The following CEP128 variants were observed in gnomAD, a reference collection of about 807,000 sequenced individuals.
CEP128 encodes the protein centrosomal protein 128kDa.
Under a neutral mutation model 156.7 loss-of-function variants are expected in CEP128, and 132 were observed. The observed-to-expected ratio is 0.84, with a 90% CI of 0.73 to 0.97. The LOEUF is 0.97. Among genes scored for constraint, CEP128 ranks in the 50% least tolerant of loss-of-function variants. The pLI is 0.00. For synonymous variants in CEP128, 469 were observed against 448.9 expected (o/e 1.04, Z -0.57); for missense variants, 1,252 against 1,281.9 (o/e 0.98, Z 0.36).
At position 80,593,561 on chromosome 14, in the gene CEP128, A is replaced by G. The variant is rs1290490094; in HGVS notation, c.2807-13138T>C. Among the ~76,000 whole-genome samples, 3 of 151,484 alleles carry G rather than the reference A, an allele frequency of 2.0e-5. No individual in the cohort carries two copies. The East Asian group carries it at 5.8e-4, about 29-fold the overall frequency. On this transcript the variant is annotated intron_variant, in intron 19 of 24. Coordinates refer to ENST00000555265, the MANE Select transcript of CEP128 (RefSeq NM_152446.5). Reference sequence around the variant, plus strand: ...GACTCCATCTCAAAAAAAAAAAAAAAAAAAGAAAACCCCATCTTCTCAGCC... The same window carrying G: ...GACTCCATCTCAAAAAAAAAAAAAAGAAAAGAAAACCCCATCTTCTCAGCC...
chr14:80,544,184 A>T (rs990426438), intron 21 of CEP128, among the ~76,000 whole-genome samples: 2 of 152,216 alleles, frequency 1.3e-5, no homozygotes, highest in Non-Finnish European at 2.9e-5. Context: ...AGGTCAATAG[A>T]GATAAACGTG....
rs149301208 is a variant in CEP128, at chr14:80,718,999, G to A, written c.2806+24076C>T. ...GGAGATGGGCAGGACTTGTTTTCTGGACTTGTTACTCTGTCAGGATTTGGT... is the reference window on the plus strand; with the variant it reads ...GGAGATGGGCAGGACTTGTTTTCTGAACTTGTTACTCTGTCAGGATTTGGT... On this transcript the variant is annotated intron_variant, in intron 19 of 24. Transcript: ENST00000555265. 1.6e-3 allele frequency among the ~76,000 whole-genome samples: 250 copies of A among 152,196 alleles called. 2 individuals are homozygous for A. The highest frequency in any genetic ancestry group is 5.5e-3 in the African/African-American group (228 of 41,524).
chr14:80,540,275 G>A (rs1889693537), intron 21 of CEP128, among the ~76,000 whole-genome samples: 1 of 149,428 alleles, frequency 6.7e-6, no homozygotes, highest in African/African-American at 2.5e-5. Flanking sequence ...ACTGATATGT[G>A]ATGTCACCCC....
upstream of CEP128, among the ~76,000 whole-genome samples, chr14:80,944,849 A>C (rs1229696620): frequency 4.8e-5 from 6 of 123,896 alleles, no homozygotes; most frequent in East Asian, 2.6e-4. Flanking sequence ...AAAAAAAAAA[A>C]AAAAAAAACA....
intron 19 of CEP128, among the ~76,000 whole-genome samples, chr14:80,693,657 A>T (rs1038668614): frequency 2.0e-5 from 3 of 152,220 alleles, no homozygotes; most frequent in African/African-American, 7.2e-5. Context: ...ATACTAAGTT[A>T]TCTAAAAATA....
At chr14:80,534,916 G>C (rs557628617) in intron 21 of CEP128, among the ~76,000 whole-genome samples, 4 of 150,896 alleles carry the variant, frequency 2.7e-5, no homozygotes, top group Non-Finnish European at 5.9e-5. Flanking sequence ...AGTTGTTTTC[G>C]AGAATAAATA....
intron 14 of CEP128, among the ~76,000 whole-genome samples, chr14:80,480,590 T>C (rs1247484187): frequency 1.3e-5 from 2 of 152,110 alleles, no homozygotes. Flanking sequence ...GCCGAGAAGG[T>C]CTCTGACATG....
intron 14 of CEP128, among the ~76,000 whole-genome samples, chr14:80,792,529 T>C (rs1331153858): frequency 1.3e-5 from 2 of 152,216 alleles, no homozygotes; most frequent in African/African-American, 4.8e-5. Flanking sequence ...GGTACATCTA[T>C]TTATGGGCCA....
At chr14:80,507,679 A>G (rs1018244078) in intron 23 of CEP128, among the ~76,000 whole-genome samples, 1 of 152,216 alleles carries the variant, frequency 6.6e-6, no homozygotes, top group African/African-American at 2.4e-5. Flanking sequence ...TAACGCCACA[A>G]CTGAGACAGA....
At chr14:80,667,988 A>T (rs10133617) in intron 19 of CEP128, among the ~76,000 whole-genome samples, 4,912 of 152,256 alleles carry the variant, frequency 0.032, 257 homozygotes, top group African/African-American at 0.11. Flanking sequence ...GATGATGAAA[A>T]CAACAGTGAT....
rs566074637 is a variant in CEP128, at chr14:80,909,610, G to T, written c.235-3529C>A. 2.0e-5 allele frequency among the ~76,000 whole-genome samples: 3 copies of T among 152,246 alleles called. No homozygotes were observed. In the South Asian group the frequency reaches 6.2e-4, roughly 32 times the overall value. ...AAAATTACGTTATGTAAAGGGAGAT[G>T]AATGAAATAAAGGCGATTTTAAATT... On this transcript the variant is annotated intron_variant, in intron 4 of 24. Transcript: ENST00000555265.
chr14:80,701,887 C>G (rs1268138280), intron 19 of CEP128, among the ~76,000 whole-genome samples: 1 of 152,166 alleles, frequency 6.6e-6, no homozygotes, highest in East Asian at 1.9e-4. Context: ...GCCACGATGC[C>G]TTTGCATGGG....
intron 2 of CEP128, among the ~76,000 whole-genome samples, chr14:80,917,756 G>A (rs921314897): frequency 6.6e-6 from 1 of 152,124 alleles, no homozygotes; most frequent in African/African-American, 2.4e-5. Context: ...CATTTAAGGA[G>A]ACAATAAAGA....
At chr14:80,837,432 T>C (rs1886134300) in intron 11 of CEP128, among the ~76,000 whole-genome samples, 1 of 151,848 alleles carries the variant, frequency 6.6e-6, no homozygotes, top group African/African-American at 2.4e-5. Flanking sequence ...AAATTAAGCC[T>C]TATCGGCCGG....
In CEP128 at chr14:80,742,872, T is replaced by C. The variant is rs1485151757; in HGVS notation, c.2806+203A>G. 1.8e-5 allele frequency: 10 copies of C among 555,254 alleles called. No homozygotes were observed. In the East Asian group the frequency reaches 2.5e-4, roughly 14 times the overall value. The allele number at this position is 555,254 out of a possible 1,614,324, so 34.4% of individuals were successfully genotyped here. Reference sequence around the variant, plus strand: ...ACACAGCCAGTAAATGCAGTTATCATATACACAGGAGGAATGCTGTGGCTG... The same window carrying C: ...ACACAGCCAGTAAATGCAGTTATCACATACACAGGAGGAATGCTGTGGCTG... On this transcript the variant is annotated intron_variant, in intron 19 of 24. Coordinates refer to ENST00000555265, the MANE Select transcript of CEP128 (RefSeq NM_152446.5).
At chr14:80,823,676 G>A (rs1471780500) in intron 13 of CEP128, among the ~76,000 whole-genome samples, 1 of 151,872 alleles carries the variant, frequency 6.6e-6, no homozygotes, top group Non-Finnish European at 1.5e-5. Flanking sequence ...GCTGATGCAA[G>A]AGGTGGGCTC....
downstream of CEP128, among the ~76,000 whole-genome samples, chr14:80,494,589 TAGAGA>T (rs781451059): frequency 2.8e-4 from 43 of 152,292 alleles, no homozygotes; most frequent in Admixed American, 6.5e-4. Context: ...CAATACAGAT[TAGAGA>T]AAATGTTAAC....
intron 13 of CEP128, among the ~76,000 whole-genome samples, chr14:80,813,701 C>T (rs1395045387): frequency 1.3e-5 from 2 of 152,068 alleles, no homozygotes; most frequent in East Asian, 1.9e-4. Context: ...TAACACAATA[C>T]ACACTTTCCA....
chr14:80,766,646 A>C (rs546322363), intron 16 of CEP128, among the ~76,000 whole-genome samples: 38 of 152,316 alleles, frequency 2.5e-4, no homozygotes, highest in African/African-American at 9.1e-4. Context: ...ACAGTTCATC[A>C]AACACCTTAA....
Sources: allele counts gnomAD v4.1 joint callset (sites outside exome capture counted in the v4.1 genomes callset), GRCh38; gene constraint gnomAD v4.1.1; transcripts MANE v1.5; gene names NCBI Gene and HGNC (gene_info 2026-07-23, HGNC 2026-07-21).